ILKAP: variants seen among roughly 807,000 people sequenced by gnomAD.
ILKAP encodes the protein ILK associated serine/threonine phosphatase.
A neutral mutation model predicts 49.1 loss-of-function variants in ILKAP; 11 were observed. That is an observed-to-expected ratio of 0.22 (90% confidence interval 0.14 to 0.37). The LOEUF (loss-of-function observed/expected upper bound fraction) is 0.37, where lower values mean the gene tolerates loss of function less well. ILKAP is among the 10% of genes least tolerant of loss of function. ILKAP has a pLI of 1.00. For synonymous variants in ILKAP, 186 were observed against 192.8 expected (o/e 0.96, Z 0.29); for missense variants, 363 against 510.8 (o/e 0.71, Z 2.79).
intron 5 of ILKAP, among the ~76,000 whole-genome samples, chr2:238,187,665 T>G (rs999566132): frequency 6.6e-6 from 1 of 152,194 alleles, no homozygotes; most frequent in Non-Finnish European, 1.5e-5. Flanking sequence ...CATTCATACT[T>G]TAATTAGTGG....
chr2:238,173,611 A>G lies in ILKAP; in HGVS notation c.879T>C (p.Ile293=), dbSNP rs775798829. 6.2e-7 allele frequency: 1 copy of G among 1,614,054 alleles called. No individual in the cohort carries two copies. The highest frequency in any genetic ancestry group is 2.2e-5 in the East Asian group (1 of 44,888). Residue 293 remains isoleucine, a synonymous_variant, in exon 10 of 12, where the codon ATT becomes ATC. Coordinates refer to ENST00000254654, the MANE Select transcript of ILKAP (RefSeq NM_030768.3). ...CGCAGCGCTTGTACTGCCCGTCCCC[A>G]ATGGAGCGTGACACCTCTAGCACGC... ...VLGVLEVSRS[I]GDGQYKRCGV... is the part of the protein sequence containing the mutation.
chr2:238,183,042 C>T (rs573825674), intron 8 of ILKAP, among the ~76,000 whole-genome samples: 5 of 152,242 alleles, frequency 3.3e-5, no homozygotes, highest in East Asian at 3.9e-4. Context: ...GGCAACGGAA[C>T]GGAACACATG....
At chr2:238,191,886 CAG>C (rs1284325811) in intron 3 of ILKAP, among the ~76,000 whole-genome samples, 1 of 144,558 alleles carries the variant, frequency 6.9e-6, no homozygotes, top group African/African-American at 2.6e-5. Context: ...GCCTAGGCAA[CAG>C]AGCAAGGCTC....
At chr2:238,197,726 T>C (rs1054162877) in intron 1 of ILKAP, among the ~76,000 whole-genome samples, 1 of 152,174 alleles carries the variant, frequency 6.6e-6, no homozygotes, top group African/African-American at 2.4e-5. Context: ...TTTCTCACTC[T>C]GGAATACTAT....
At chr2:238,201,728 T>G (rs1456064746) in intron 1 of ILKAP, among the ~76,000 whole-genome samples, 1 of 152,234 alleles carries the variant, frequency 6.6e-6, no homozygotes, top group Non-Finnish European at 1.5e-5. Context: ...TTAAGACTCA[T>G]AGGTTTACAC....
chr2:238,173,634 C>G lies in ILKAP; in HGVS notation c.856G>C (p.Val286Leu). 5 of 1,613,800 alleles carry G rather than the reference C, an allele frequency of 3.1e-6. No homozygotes were observed. The highest frequency in any genetic ancestry group is 1.3e-5 in the African/African-American group (1 of 75,038). ...CCAATGGAGCGTGACACCTCTAGCA[C>G]GCCCAAAACACGCCCATCCCTAAAA... is the stretch of plus-strand genomic sequence containing the variant. The part of the protein sequence containing the change: ...GNVRDGRVLG[V>L]LEVSRSIGDG... Residue 286 changes from valine (V) to leucine (L), a missense_variant, in exon 10 of 12, where the codon GTG becomes CTG. This residue lies in a region of ILKAP where 166 missense variants were observed against 307.3 expected (regional missense o/e 0.54). Coordinates refer to ENST00000254654, the MANE Select transcript of ILKAP (RefSeq NM_030768.3).
rs1438103530 is a variant in ILKAP, at chr2:238,180,662, T to C, written c.836+1403A>G. On this transcript the variant is annotated intron_variant, in intron 9 of 11. Coordinates refer to ENST00000254654, the MANE Select transcript of ILKAP (RefSeq NM_030768.3). ...GCAGCGACCCACGCTGCTGGTCTCTTAGCCTCAGCCCTTCTCTGAGATGAA... is the reference window on the plus strand; with the variant it reads ...GCAGCGACCCACGCTGCTGGTCTCTCAGCCTCAGCCCTTCTCTGAGATGAA... 2.0e-5 allele frequency among the ~76,000 whole-genome samples: 3 copies of C among 152,346 alleles called. No individual in the cohort carries two copies. The East Asian group carries it at 5.8e-4, about 29-fold the overall frequency.
intron 9 of ILKAP, 194 bp from the exon 10 acceptor site, chr2:238,173,847 T>A (rs570711947): frequency 7.4e-6 from 5 of 674,994 alleles, no homozygotes; most frequent in Non-Finnish European, 1.2e-5. Context: ...TGCCCTGGGG[T>A]AGGGACCCTG....
chr2:238,185,586 GA>G, intron 5 of ILKAP: 1 of 261,642 alleles, frequency 3.8e-6, no homozygotes, highest in Non-Finnish European at 7.6e-6. Context: ...GGCGGATCAC[GA>G]GATCAGGAGA....
intron 9 of ILKAP, among the ~76,000 whole-genome samples, chr2:238,181,362 A>G (rs541010713): frequency 1.3e-5 from 2 of 152,336 alleles, no homozygotes; most frequent in East Asian, 3.9e-4. Flanking sequence ...TTCTAAAGAA[A>G]AGACTTATGC....
intron 1 of ILKAP, among the ~76,000 whole-genome samples, chr2:238,202,017 G>A (rs1285031758): frequency 3.3e-5 from 5 of 152,238 alleles, no homozygotes; most frequent in Non-Finnish European, 7.4e-5. Flanking sequence ...CTGAGGTCAG[G>A]AGTTCAAGAC....
Position 238,184,116 on chromosome 2 carries a change from AT to A in ILKAP, c.533-4del. On this transcript the variant is annotated splice_region_variant and splice_polypyrimidine_tract_variant and intron_variant, in intron 6 of 11. Coordinates refer to ENST00000254654, the MANE Select transcript of ILKAP (RefSeq NM_030768.3). ...TTTCTCTACACTGATTACATCTCCT[AT>A]TACAGAAGGGCCAAAAGAAAACAAT... 2 of 1,511,752 alleles carry A rather than the reference AT, an allele frequency of 1.3e-6. No individual in the cohort carries two copies. Among genetic ancestry groups the A allele is most frequent in the Non-Finnish European group, 1.8e-6 (2 of 1,086,918 alleles). 93.6% of individuals were successfully genotyped at this position (1,511,752 alleles called of 1,614,324 possible). A position where few individuals can be genotyped will look rare whatever the true frequency, so the allele number is the denominator to read the frequency against.
rs141875499 is a variant in ILKAP, at chr2:238,190,039, T to C, written c.179-67A>G. 1,953 of 1,557,306 alleles carry C rather than the reference T, an allele frequency of 1.3e-3. 26 individuals carry two copies. The African/African-American group carries it at 0.023, about 19-fold the overall frequency. On this transcript the variant is annotated intron_variant, in intron 3 of 11. Coordinates refer to ENST00000254654, the MANE Select transcript of ILKAP (RefSeq NM_030768.3). ...CTGTTGGAAAAAGTCACTAGTAGAC[T>C]GGGCTTCATCCTAGCACTCAAAGAC...
Position 238,170,496 on chromosome 2 carries a change from T to TA in ILKAP, c.*39dup, listed in dbSNP as rs766063589. Reference sequence around the variant, plus strand: ...GTGCACACACACAAAATGAACCTTTTAAGTCAATACCATGCGTGCTCCTGG... The same window carrying TA: ...GTGCACACACACAAAATGAACCTTTTAAAGTCAATACCATGCGTGCTCCTGG... On this transcript the variant is annotated 3_prime_UTR_variant, in exon 12 of 12. Coordinates refer to ENST00000254654, the MANE Select transcript of ILKAP (RefSeq NM_030768.3). 1 of 1,555,786 alleles carries TA rather than the reference T, an allele frequency of 6.4e-7. No homozygotes were observed. Among genetic ancestry groups the TA allele is most frequent in the Non-Finnish European group, 8.7e-7 (1 of 1,145,592 alleles).
At position 238,182,160 on chromosome 2, in the gene ILKAP, C is replaced by T. The variant is rs762844467; in HGVS notation, c.741G>A (p.Glu247=). 13 of 1,613,688 alleles carry T rather than the reference C, an allele frequency of 8.1e-6. No individual in the cohort carries two copies. The highest frequency in any genetic ancestry group is 2.2e-5 in the East Asian group (1 of 44,878). The change falls in exon 9 of 12, where the codon GAG becomes GAA. Residue 247 remains glutamate, a synonymous_variant. Transcript: ENST00000254654. ...SRAILCRYNE[E]SQKHAALSLS... ...GGCTTAAGGCTGCATGTTTTTGACT[C>T]TCCTCATTATAACGACACAAGATTG...
intron 5 of ILKAP, chr2:238,185,489 T>A (rs1009225475): frequency 1.4e-5 from 7 of 488,908 alleles, no homozygotes; most frequent in Non-Finnish European, 2.6e-5. Flanking sequence ...CACAGCATTT[T>A]ATCTTTTTTT....
Position 238,183,668 on chromosome 2 carries a change from G to A in ILKAP, c.699C>T (p.Asn233=). 1 of 1,612,550 alleles carries A rather than the reference G, an allele frequency of 6.2e-7. No homozygotes were observed. The highest frequency in any genetic ancestry group is 8.5e-7 in the Non-Finnish European group (1 of 1,179,432). Residue 233 remains asparagine (N), a synonymous_variant, in exon 8 of 12, where the codon AAC becomes AAT. Transcript: ENST00000254654. The part of the protein sequence containing the change: ...LAVDNILYIA[N]LGDSRAILCR... The stretch of plus-strand genomic sequence containing the variant: ...AGCCACATACCCGACTATCTCCGAG[G>A]TTGGCAATATAAAGAATGTTGTCTA...
chr2:238,174,527 G>A (rs1055702710), intron 9 of ILKAP, among the ~76,000 whole-genome samples: 6 of 152,162 alleles, frequency 3.9e-5, no homozygotes, highest in Admixed American at 3.3e-4. Context: ...CCCAAATCAT[G>A]GACCAAGCAA....
intron 3 of ILKAP, among the ~76,000 whole-genome samples, chr2:238,192,846 C>G (rs4663859): frequency 1.4e-4 from 21 of 152,074 alleles, no homozygotes; most frequent in African/African-American, 4.6e-4. Flanking sequence ...AACCCTGTCT[C>G]TACTAAAAAT....
Sources: allele counts gnomAD v4.1 joint callset (sites outside exome capture counted in the v4.1 genomes callset), GRCh38; gene constraint gnomAD v4.1.1; regional missense constraint gnomAD v4.1.1; transcripts MANE v1.5; gene names NCBI Gene and HGNC (gene_info 2026-07-23, HGNC 2026-07-21).